SYNE2: variants seen among roughly 807,000 people sequenced by gnomAD.
SYNE2 encodes spectrin repeat containing nuclear envelope protein 2.
In SYNE2, 431 loss-of-function variants were observed where a neutral mutation model predicts 856.3. The observed-to-expected ratio is 0.50, with a 90% CI of 0.47 to 0.55. The LOEUF (loss-of-function observed/expected upper bound fraction) is 0.55. SYNE2 is among the 20% of genes least tolerant of loss of function. The probability of loss-of-function intolerance (pLI) is 0.00; values close to 1 mark genes in which losing one functional copy is unlikely to be tolerated. For synonymous variants in SYNE2, 2,923 were observed against 2,872.3 expected, an observed-to-expected ratio of 1.02 and a Z score of -0.56; for missense variants, 8,129 against 8,023.2, an observed-to-expected ratio of 1.01 and a Z score of -0.50.
intron 103 of SYNE2, among the ~76,000 whole-genome samples, chr14:64,210,677 C>T (rs1314522966): frequency 1.3e-5 from 2 of 152,222 alleles, no homozygotes; most frequent in African/African-American, 4.8e-5. Context: ...AGAAGATGTG[C>T]TGTGTAAACC....
intron 1 of SYNE2, among the ~76,000 whole-genome samples, chr14:63,890,181 G>C (rs1436751839): frequency 6.6e-6 from 1 of 151,466 alleles, no homozygotes; most frequent in African/African-American, 2.4e-5. Flanking sequence ...TCCCACCTCA[G>C]GCTCCCAAGT....
At chr14:63,817,231 A>G (rs1889026599) in intron 1 of SYNE2, among the ~76,000 whole-genome samples, 1 of 152,164 alleles carries the variant, frequency 6.6e-6, no homozygotes, top group East Asian at 1.9e-4. Flanking sequence ...AGTCCGAGGC[A>G]GGTGGATTGC....
rs1214967482 is a variant in SYNE2 at position 64,219,096 on chromosome 14, GTTTT to G, written c.19658-108_19658-105del. 2.1e-3 allele frequency: 1,568 copies of G among 758,694 alleles called. 5 individuals carry two copies. The highest frequency in any genetic ancestry group is 3.0e-3 in the South Asian group (175 of 58,184). The allele number at this position is 758,694 out of a possible 1,614,324, so 47.0% of individuals were successfully genotyped here. A position where few individuals can be genotyped will look rare whatever the true frequency, so the allele number is the denominator to read the frequency against. ...CCTTCTGTCAGGGGAATCCCCTACA[GTTTT>G]TTTGTTTTTTTTTTTTTTTTTTTTA... On this transcript the variant is annotated intron_variant, in intron 109 of 115. Coordinates refer to ENST00000555002, the MANE Select transcript of SYNE2 (RefSeq NM_182914.3).
chr14:64,182,485 G>T (rs1394316948), intron 96 of SYNE2, among the ~76,000 whole-genome samples: 6 of 152,302 alleles, frequency 3.9e-5, no homozygotes, highest in African/African-American at 1.4e-4. Flanking sequence ...AAGGTCAGCA[G>T]ATAAACAAGT....
chr14:64,159,232 G>A lies in SYNE2; in HGVS notation c.15964-80G>A, dbSNP rs1029714452. The A allele has an allele frequency of 5.7e-6, 9 of 1,570,340 alleles. No homozygotes were observed. In the African/African-American group the frequency reaches 9.5e-5, roughly 17 times the overall value. ...ATTTGAGTGTTATTGCTACATAGTA[G>A]CAAGTGTTGAGAAGCTGCCACCTTC... On this transcript the variant is annotated intron_variant, in intron 86 of 115. Coordinates refer to ENST00000555002, the MANE Select transcript of SYNE2 (RefSeq NM_182914.3).
Position 63,974,892 on chromosome 14 carries a change from G to GTATATATATATATATATATATATA in SYNE2, c.1129-1669_1129-1646dup, listed in dbSNP as rs145247655. ...TGTGTGTGTGTGTGTGTGTGTGTGT[G>GTATATATATATATATATATATATA]TATATATATATATATATATATATAT... On this transcript the variant is annotated intron_variant, in intron 11 of 115. Coordinates refer to ENST00000555002, the MANE Select transcript of SYNE2 (RefSeq NM_182914.3). 2.2e-3 allele frequency among the ~76,000 whole-genome samples: 147 copies of GTATATATATATATATATATATATA among 67,238 alleles called. 2 individuals are homozygous for GTATATATATATATATATATATATA. Among genetic ancestry groups the GTATATATATATATATATATATATA allele is most frequent in the South Asian group, 3.4e-3 (4 of 1,162 alleles). 44.1% of individuals were successfully genotyped at this position (67,238 alleles called of 152,430 possible). A position where few individuals can be genotyped will look rare whatever the true frequency, so the allele number is the denominator to read the frequency against.
chr14:64,107,189 A>G (rs572251524), intron 64 of SYNE2, among the ~76,000 whole-genome samples: 50 of 152,298 alleles, frequency 3.3e-4, no homozygotes, highest in Middle Eastern at 3.4e-3. Context: ...CATACTTTTA[A>G]AGAATACTTC....
chr14:63,994,234 C>T (rs1036018856), intron 22 of SYNE2, among the ~76,000 whole-genome samples: 31 of 152,118 alleles, frequency 2.0e-4, no homozygotes, highest in African/African-American at 7.0e-4. Context: ...TGGGGTAACA[C>T]CACCTACTGG....
intron 83 of SYNE2, among the ~76,000 whole-genome samples, chr14:64,145,507 C>CAAA (rs58238268): frequency 3.2e-4 from 30 of 93,692 alleles, no homozygotes; most frequent in East Asian, 1.6e-3. Context: ...GACTCCGTCT[C>CAAA]AAAAAAAAAA....
At position 63,958,513 on chromosome 14, in the gene SYNE2, A is replaced by C. The variant is rs545820990; in HGVS notation, c.788-3012A>C. ...AACTCAGCAGTAGAATGTCATTCTC[A>C]TCACATCCTTTCAAGGGTATATATT... On this transcript the variant is annotated intron_variant, in intron 8 of 115. Coordinates refer to ENST00000555002, the MANE Select transcript of SYNE2 (RefSeq NM_182914.3). 2.6e-5 allele frequency among the ~76,000 whole-genome samples: 4 copies of C among 152,298 alleles called. No individual in the cohort carries two copies. The East Asian group carries it at 7.7e-4, about 29-fold the overall frequency.
chr14:63,850,251 T>C (rs1890366312), upstream of SYNE2, among the ~76,000 whole-genome samples: 1 of 148,474 alleles, frequency 6.7e-6, no homozygotes, highest in African/African-American at 2.5e-5. Context: ...CTAGCTTTTT[T>C]TTTTTTTTTT....
chr14:63,907,028 A>T (rs954553076), intron 1 of SYNE2, among the ~76,000 whole-genome samples: 11 of 152,196 alleles, frequency 7.2e-5, no homozygotes, highest in Admixed American at 2.0e-4. Flanking sequence ...TAATACCGTG[A>T]CATTGGGGAT....
At chr14:64,122,245 A>G (rs773973735) in intron 69 of SYNE2, 41 bp from the exon 70 acceptor site, 1 of 1,614,184 alleles carries the variant, frequency 6.2e-7, no homozygotes, top group Non-Finnish European at 8.5e-7. Context: ...CAAAATGTTT[A>G]GTGTTGATTA....
chr14:64,035,515 ATTTTTTTTTT>A (rs35030710), intron 45 of SYNE2, among the ~76,000 whole-genome samples: 2 of 121,714 alleles, frequency 1.6e-5, no homozygotes, highest in Non-Finnish European at 3.3e-5. Flanking sequence ...TACATGGTAC[ATTTTTTTTTT>A]TTTTTTTTTT....
chr14:64,006,983 T>C (rs2096801238), intron 30 of SYNE2, 60 bp from the exon 31 acceptor site: 3 of 1,360,344 alleles, frequency 2.2e-6, no homozygotes, highest in Non-Finnish European at 3.1e-6. Context: ...GTTACCCATA[T>C]TTGTGTTGAA....
intron 99 of SYNE2, among the ~76,000 whole-genome samples, chr14:64,199,723 A>G (rs1596170754): frequency 2.0e-5 from 3 of 151,542 alleles, no homozygotes; most frequent in South Asian, 4.2e-4. Context: ...CAAAAAAAAA[A>G]AAAAAAAAAA....
At chr14:63,813,694 G>A (rs951970239) in intron 1 of SYNE2, among the ~76,000 whole-genome samples, 1 of 151,978 alleles carries the variant, frequency 6.6e-6, no homozygotes, top group Admixed American at 6.6e-5. Flanking sequence ...GAGGCCCAGG[G>A]GAGTGGATCA....
chr14:63,870,726 G>A (rs1234405596), intron 1 of SYNE2, among the ~76,000 whole-genome samples: 1 of 150,604 alleles, frequency 6.6e-6, no homozygotes, highest in Non-Finnish European at 1.5e-5. Context: ...TTTGAACCAG[G>A]GGTCAGACTG....
intron 2 of SYNE2, among the ~76,000 whole-genome samples, chr14:63,924,862 T>TTTTTTTTTTTTTTTTTTTC (rs1595671080): frequency 1.4e-5 from 2 of 140,148 alleles, no homozygotes; most frequent in South Asian, 2.3e-4. Context: ...TTTTTTTTTT[T>TTTTTTTTTTTTTTTTTTTC]TGCCTTACTC....
Sources: allele counts gnomAD v4.1 joint callset (sites outside exome capture counted in the v4.1 genomes callset), GRCh38; gene constraint gnomAD v4.1.1; transcripts MANE v1.5; gene names NCBI Gene and HGNC (gene_info 2026-07-23, HGNC 2026-07-21).